Variants in LRMDA observed in about 807,000 individuals in gnomAD.
LRMDA encodes the protein leucine rich melanocyte differentiation associated.
Under a neutral mutation model 29.8 loss-of-function variants are expected in LRMDA, and 18 were observed. The ratio of observed to expected loss-of-function variants is 0.60; its 90% CI spans 0.42 to 0.90. The LOEUF (loss-of-function observed/expected upper bound fraction) is 0.90, where lower values mean the gene tolerates loss of function less well. Among genes scored for constraint, LRMDA ranks in the 40% least tolerant of loss-of-function variants. LRMDA has a pLI of 0.00. For synonymous variants in LRMDA, 125 were observed against 109.4 expected, an observed-to-expected ratio of 1.14 and a Z score of -0.89; for missense variants, 273 against 273.9, an observed-to-expected ratio of 1.00 and a Z score of 0.02.
At chr10:75,528,022 G>A (rs1407739592) in intron 2 of LRMDA, among the ~76,000 whole-genome samples, 1 of 152,008 alleles carries the variant, frequency 6.6e-6, no homozygotes, top group African/African-American at 2.4e-5. Context: ...CTGAGCTCAA[G>A]CAATCTACCT....
intron 6 of LRMDA, among the ~76,000 whole-genome samples, chr10:76,431,896 A>G (rs1044430505): frequency 6.6e-6 from 1 of 152,176 alleles, no homozygotes; most frequent in Non-Finnish European, 1.5e-5. Context: ...TCCCTGTACA[A>G]GCTCCCTTCT....
chr10:75,580,778 A>G (rs1201458604), intron 2 of LRMDA, among the ~76,000 whole-genome samples: 1 of 152,216 alleles, frequency 6.6e-6, no homozygotes, highest in African/African-American at 2.4e-5. Context: ...ATCTACAACC[A>G]TCTAGTCTTT....
At chr10:75,753,680 G>A (rs1380897508) in intron 2 of LRMDA, among the ~76,000 whole-genome samples, 3 of 152,206 alleles carry the variant, frequency 2.0e-5, no homozygotes, top group Admixed American at 6.5e-5. Context: ...TTGATTCTAA[G>A]GGTGATAGGA....
chr10:75,949,011 T>C (rs189284042), intron 2 of LRMDA, among the ~76,000 whole-genome samples: 20 of 152,056 alleles, frequency 1.3e-4, no homozygotes, highest in African/African-American at 4.3e-4. Context: ...TTTGTGTGTG[T>C]GTGTAAAATG....
intron 5 of LRMDA, among the ~76,000 whole-genome samples, chr10:76,121,250 G>T (rs890309537): frequency 2.6e-5 from 4 of 151,962 alleles, no homozygotes; most frequent in African/African-American, 9.7e-5. Flanking sequence ...AAGGAGAGGA[G>T]AAAGGAGTCC....
In LRMDA at chr10:76,558,009, A is replaced by C. The variant is rs1252606913; in HGVS notation, c.*721A>C. 3 of 152,262 alleles carry C rather than the reference A, an allele frequency of 2.0e-5. No homozygotes were observed. Among genetic ancestry groups the C allele is most frequent in the Non-Finnish European group, 4.4e-5 (3 of 68,090 alleles). The allele number at this position is 152,262 out of a possible 1,614,324, so 9.4% of individuals were successfully genotyped here. On this transcript the variant is annotated 3_prime_UTR_variant, in exon 7 of 7. Transcript: ENST00000611255. ...CTTTCCCTAAATCCCTGACTACAAA[A>C]GCGTGGACTTTTATCTTGTTTCATT...
At chr10:75,859,695 T>C (rs1425491313) in intron 2 of LRMDA, among the ~76,000 whole-genome samples, 1 of 151,922 alleles carries the variant, frequency 6.6e-6, no homozygotes, top group African/African-American at 2.4e-5. Context: ...TTCTTCTAAT[T>C]TGTTGCCATT....
At chr10:76,010,461 C>G (rs1847758412) in intron 2 of LRMDA, among the ~76,000 whole-genome samples, 1 of 151,980 alleles carries the variant, frequency 6.6e-6, no homozygotes, top group African/African-American at 2.4e-5. Context: ...TACAGGCGCT[C>G]ACTACCATGC....
chr10:75,958,299 T>C (rs1278974119), intron 2 of LRMDA, among the ~76,000 whole-genome samples: 1 of 152,210 alleles, frequency 6.6e-6, no homozygotes, highest in African/African-American at 2.4e-5. Context: ...TGGAATTGAA[T>C]AGGTCTGTAA....
At chr10:75,834,998 A>T (rs1834367636) in intron 2 of LRMDA, among the ~76,000 whole-genome samples, 1 of 152,134 alleles carries the variant, frequency 6.6e-6, no homozygotes, top group Non-Finnish European at 1.5e-5. Context: ...TTCCGAAACC[A>T]CTTCTACTGT....
chr10:76,385,013 G>A (rs1236246986), intron 6 of LRMDA, among the ~76,000 whole-genome samples: 1 of 152,176 alleles, frequency 6.6e-6, no homozygotes, highest in Non-Finnish European at 1.5e-5. Context: ...ATCAAGTACA[G>A]GCAAAGCTTA....
intron 6 of LRMDA, among the ~76,000 whole-genome samples, chr10:76,363,405 C>G (rs1044816166): frequency 2.6e-5 from 4 of 152,060 alleles, no homozygotes; most frequent in Non-Finnish European, 5.9e-5. Flanking sequence ...AAATTATCAT[C>G]TCTATAGAAA....
intron 2 of LRMDA, among the ~76,000 whole-genome samples, chr10:75,727,721 T>G (rs1230900674): frequency 6.6e-6 from 1 of 152,224 alleles, no homozygotes; most frequent in Non-Finnish European, 1.5e-5. Flanking sequence ...AGTTAATTCC[T>G]TTTCTATTTA....
chr10:75,722,883 T>G (rs1459818871), intron 2 of LRMDA, among the ~76,000 whole-genome samples: 2 of 152,206 alleles, frequency 1.3e-5, no homozygotes, highest in Non-Finnish European at 1.5e-5. Context: ...TCATATTTCT[T>G]TTCATTAACT....
At chr10:76,010,742 C>T (rs970451296) in intron 2 of LRMDA, among the ~76,000 whole-genome samples, 2 of 152,258 alleles carry the variant, frequency 1.3e-5, no homozygotes, top group African/African-American at 4.8e-5. Flanking sequence ...TCCTCTTTCT[C>T]CCTGAATCCT....
intron 2 of LRMDA, among the ~76,000 whole-genome samples, chr10:75,534,284 G>T (rs1430799566): frequency 1.3e-5 from 2 of 152,234 alleles, no homozygotes; most frequent in Non-Finnish European, 2.9e-5. Flanking sequence ...AAAGTGCTGT[G>T]TGTGGCAGTT....
intron 2 of LRMDA, among the ~76,000 whole-genome samples, chr10:75,925,894 G>C (rs1055335011): frequency 6.6e-6 from 1 of 151,964 alleles, no homozygotes; most frequent in African/African-American, 2.4e-5. Flanking sequence ...TACTGACCTC[G>C]TATAATCTGG....
chr10:76,034,862 G>T (rs146958074), intron 2 of LRMDA, among the ~76,000 whole-genome samples: 1,603 of 152,188 alleles, frequency 0.011, 13 homozygotes, highest in Middle Eastern at 0.024. Context: ...CTGTCAGCCG[G>T]TGCAGGCTCA....
At chr10:76,488,856 T>C (rs1842807124) in intron 6 of LRMDA, among the ~76,000 whole-genome samples, 1 of 151,902 alleles carries the variant, frequency 6.6e-6, no homozygotes, top group Non-Finnish European at 1.5e-5. Context: ...TTGATCATGA[T>C]GAATGAAGTT....
Sources: allele counts gnomAD v4.1 joint callset (sites outside exome capture counted in the v4.1 genomes callset), GRCh38; gene constraint gnomAD v4.1.1; transcripts MANE v1.5; gene names NCBI Gene and HGNC (gene_info 2026-07-23, HGNC 2026-07-21).